Variants in CHST5 observed in about 807,000 individuals in gnomAD.
CHST5 encodes the protein GST4-alpha.
For missense variants in CHST5, 637 were observed against 602.1 expected (o/e 1.06, Z -0.61); for synonymous variants, 313 against 279.2 (o/e 1.12, Z -1.21).
chr16:75,530,210 C>G lies in CHST5; in HGVS notation c.175G>C (p.Gly59Arg). ...ACCAGCACGTGCACACGATCCTCGC[C>G]GCCGGCTGGGGATGAGGGCCCTGGC... ...SRPGPSSPAG[G>R]EDRVHVLVLS... is the part of the protein sequence containing the mutation. The change falls in exon 4 of 4, where the codon GGC becomes CGC. Residue 59 changes from glycine to arginine, a missense_variant. By Grantham distance (125) the Gly-to-Arg change is moderately radical (BLOSUM62 -2). Coordinates refer to ENST00000336257, the MANE Select transcript of CHST5 (RefSeq NM_024533.5). 1 of 1,613,696 alleles carries G rather than the reference C, an allele frequency of 6.2e-7. No homozygotes were observed. The highest frequency in any genetic ancestry group is 8.5e-7 in the Non-Finnish European group (1 of 1,179,986).
At chr16:75,533,229 G>T (rs1462471082) in intron 2 of CHST5, 46 bp from the exon 3 acceptor site, 1 of 702,396 alleles carries the variant, frequency 1.4e-6, no homozygotes. Flanking sequence ...TTGGCCAAGG[G>T]TGCAAAGTTA....
At position 75,530,130 on chromosome 16, in the gene CHST5, G is replaced by T. The variant is rs1429588172; in HGVS notation, c.255C>A (p.His85Gln). Residue 85 changes from histidine (H) to glutamine (Q), a missense_variant, in exon 4 of 4, where the codon CAC (histidine) becomes CAA (glutamine). His to Gln is a conservative substitution (Grantham distance 24). Coordinates refer to ENST00000336257, the MANE Select transcript of CHST5 (RefSeq NM_024533.5). ...SSFLGQLFSQHPDVFYLMEPA... is the reference protein window; with the variant it reads ...SSFLGQLFSQQPDVFYLMEPA... ...GCTCCATCAGGTAGAAGACGTCGGGGTGCTGGCTGAAGAGCTGGCCCAAGA... is the reference window on the plus strand; with the variant it reads ...GCTCCATCAGGTAGAAGACGTCGGGTTGCTGGCTGAAGAGCTGGCCCAAGA... 1 of 1,613,530 alleles carries T rather than the reference G, an allele frequency of 6.2e-7. No individual in the cohort carries two copies. Among genetic ancestry groups the T allele is most frequent in the Non-Finnish European group, 8.5e-7 (1 of 1,179,978 alleles).
chr16:75,531,733 C>T, intron 3 of CHST5, 93 bp from the exon 4 acceptor site: 1 of 912,318 alleles, frequency 1.1e-6, no homozygotes, highest in Non-Finnish European at 1.6e-6. Context: ...AGCTGTCCTG[C>T]CTGCCTTTTG....
At chr16:75,533,378 C>A (rs772727164) in intron 2 of CHST5, among the ~76,000 whole-genome samples, 195 bp from the exon 3 acceptor site, 1 of 152,106 alleles carries the variant, frequency 6.6e-6, no homozygotes, top group Non-Finnish European at 1.5e-5. Flanking sequence ...GACATTAATA[C>A]CCAGTAAGAA....
rs371668265 is a variant in CHST5 at position 75,530,208 on chromosome 16, G to C, written c.177C>G (p.Gly59=). 3 of 1,613,542 alleles carry C rather than the reference G, an allele frequency of 1.9e-6. No homozygotes were observed. The highest frequency in any genetic ancestry group is 1.3e-5 in the African/African-American group (1 of 74,936). The change falls in exon 4 of 4, where the codon GGC becomes GGG. Residue 59 remains glycine, a synonymous_variant. Transcript: ENST00000336257. ...SRPGPSSPAG[G]EDRVHVLVLS... Reference sequence around the variant, plus strand: ...GCACCAGCACGTGCACACGATCCTCGCCGCCGGCTGGGGATGAGGGCCCTG... The same window carrying C: ...GCACCAGCACGTGCACACGATCCTCCCCGCCGGCTGGGGATGAGGGCCCTG...
In CHST5 at chr16:75,529,651, C is replaced by A. The variant is rs755967954; in HGVS notation, c.734G>T (p.Gly245Val). 3.1e-6 allele frequency: 5 copies of A among 1,610,880 alleles called. No individual in the cohort carries two copies. In the East Asian group the frequency reaches 1.1e-4, roughly 36 times the overall value. Residue 245 changes from glycine (G) to valine (V), a missense_variant, in exon 4 of 4, where the codon GGC becomes GTC. Gly to Val is a moderately radical substitution (Grantham distance 109). Coordinates refer to ENST00000336257, the MANE Select transcript of CHST5 (RefSeq NM_024533.5). ...CTTGCCGTTGGTGCCCAGCACGATG[C>A]CGTTGTCGCGTGCCAGTATCGGGCC... ...AAGPILARDN[G>V]IVLGTNGKWV...
chr16:75,531,356 T>C lies in CHST5; in HGVS notation c.-972A>G, dbSNP rs1043506897. On this transcript the variant is annotated 5_prime_UTR_variant, in exon 4 of 4. Coordinates refer to ENST00000336257, the MANE Select transcript of CHST5 (RefSeq NM_024533.5). ...AAAAAAACAACAAAAAAAAAACTTT[T>C]GTCATTAAAGATAAACAAGTAAATA... 55 of 1,051,982 alleles carry C rather than the reference T, an allele frequency of 5.2e-5. No individual in the cohort carries two copies. Among genetic ancestry groups the C allele is most frequent in the African/African-American group, 7.0e-5 (4 of 57,270 alleles). 65.2% of individuals were successfully genotyped at this position (1,051,982 alleles called of 1,614,324 possible).
chr16:75,535,623 G>A (rs369587281), intron 1 of CHST5, among the ~76,000 whole-genome samples: 7 of 152,332 alleles, frequency 4.6e-5, no homozygotes, highest in East Asian at 1.9e-4. Flanking sequence ...GCGGTCCCAG[G>A]GTGGCCGGCG....
Position 75,530,851 on chromosome 16 carries a change from C to G in CHST5, c.-467G>C. ...ACTTAAATCTCTCTGTGACGGATCA[C>G]TTTACCCGTGTGTGAAAGAGGGATA... On this transcript the variant is annotated 5_prime_UTR_variant, in exon 4 of 4. Transcript: ENST00000336257. 1.0e-6 allele frequency: 1 copy of G among 997,820 alleles called. No individual in the cohort carries two copies. The highest frequency in any genetic ancestry group is 1.2e-6 in the Non-Finnish European group (1 of 825,460). 61.8% of individuals were successfully genotyped at this position (997,820 alleles called of 1,614,324 possible).
At chr16:75,532,327 G>A (rs919672623) in intron 3 of CHST5, among the ~76,000 whole-genome samples, 4 of 152,192 alleles carry the variant, frequency 2.6e-5, no homozygotes, top group African/African-American at 9.7e-5. Context: ...CACTGAGCCA[G>A]CCTCCCGCAT....
rs982757693 is a variant in CHST5, at chr16:75,529,068, G to A, written c.*81C>T. On this transcript the variant is annotated 3_prime_UTR_variant, in exon 4 of 4. Coordinates refer to ENST00000336257, the MANE Select transcript of CHST5 (RefSeq NM_024533.5). ...ATAGTAGGGACCTGCTTCCCCATGC[G>A]CCCCAGCTCCCTCTCCACCATGCAG... 2.8e-6 allele frequency: 4 copies of A among 1,446,064 alleles called. No homozygotes were observed. Among genetic ancestry groups the A allele is most frequent in the East Asian group, 4.8e-5 (2 of 41,882 alleles). The allele number at this position is 1,446,064 out of a possible 1,614,324, so 89.6% of individuals were successfully genotyped here. A position where few individuals can be genotyped will look rare whatever the true frequency, so the allele number is the denominator to read the frequency against.
chr16:75,530,514 A>G lies in CHST5; in HGVS notation c.-130T>C, dbSNP rs1187727316. The G allele has an allele frequency of 2.8e-6, 4 of 1,447,424 alleles. No individual in the cohort carries two copies. Among genetic ancestry groups the G allele is most frequent in the African/African-American group, 1.4e-5 (1 of 69,640 alleles). 89.7% of individuals were successfully genotyped at this position (1,447,424 alleles called of 1,614,324 possible). ...TCCCAGGAATACGGAGTCAAGACAT[A>G]GGCCAGAATATAGTCTGTGCTCACA... On this transcript the variant is annotated 5_prime_UTR_variant, in exon 4 of 4. Coordinates refer to ENST00000336257, the MANE Select transcript of CHST5 (RefSeq NM_024533.5).
chr16:75,535,875 C>A (rs896041687), intron 1 of CHST5, among the ~76,000 whole-genome samples, 169 bp downstream of exon 1: 10 of 152,214 alleles, frequency 6.6e-5, no homozygotes, highest in Admixed American at 5.2e-4. Context: ...CTCACCCCCC[C>A]AATCGCCAGA....
At chr16:75,532,443 T>C (rs558049047) in intron 3 of CHST5, among the ~76,000 whole-genome samples, 4 of 152,218 alleles carry the variant, frequency 2.6e-5, no homozygotes, top group Non-Finnish European at 5.9e-5. Flanking sequence ...TCCTTGCTCC[T>C]GCATCCTTTG....
intron 1 of CHST5, among the ~76,000 whole-genome samples, 63 bp downstream of exon 1, chr16:75,535,981 G>C (rs373074677): frequency 6.6e-6 from 1 of 152,196 alleles, no homozygotes; most frequent in African/African-American, 2.4e-5. Context: ...TTGCAGCCAA[G>C]GGACTTGGAA....
At position 75,530,972 on chromosome 16, in the gene CHST5, T is replaced by A; in HGVS notation, c.-588A>T. 1 of 1,002,416 alleles carries A rather than the reference T, an allele frequency of 1.0e-6. No homozygotes were observed. The highest frequency in any genetic ancestry group is 1.2e-6 in the Non-Finnish European group (1 of 831,500). 62.1% of individuals were successfully genotyped at this position (1,002,416 alleles called of 1,614,324 possible). A position where few individuals can be genotyped will look rare whatever the true frequency, so the allele number is the denominator to read the frequency against. On this transcript the variant is annotated 5_prime_UTR_variant, in exon 4 of 4. Coordinates refer to ENST00000336257, the MANE Select transcript of CHST5 (RefSeq NM_024533.5). ...ACGCAGTCATGCCCATAACTGAGGA[T>A]TGCACCTTTTACAAGGTGTGCTTCT...
intron 1 of CHST5, among the ~76,000 whole-genome samples, 74 bp from the exon 2 acceptor site, chr16:75,535,483 C>T (rs979811728): frequency 1.3e-5 from 2 of 152,166 alleles, no homozygotes; most frequent in Admixed American, 1.3e-4. Context: ...AGGGAAGGAC[C>T]CGGCGCAGAG....
At chr16:75,532,299 C>T (rs1372324161) in intron 3 of CHST5, among the ~76,000 whole-genome samples, 1 of 152,192 alleles carries the variant, frequency 6.6e-6, no homozygotes, top group Non-Finnish European at 1.5e-5. Flanking sequence ...TCACGCATTT[C>T]TCACAGGGTG....
chr16:75,531,341 C>CAACAAA lies in CHST5; in HGVS notation c.-958_-957insTTTGTT. ...GTTTCAAAAAAAAAAAAAAAAACAA[C>CAACAAA]AAAAAAAAAACTTTTGTCATTAAAG... On this transcript the variant is annotated 5_prime_UTR_variant, in exon 4 of 4. Coordinates refer to ENST00000336257, the MANE Select transcript of CHST5 (RefSeq NM_024533.5). The CAACAAA allele has an allele frequency of 1.2e-6, 1 of 834,286 alleles. No individual in the cohort carries two copies. Among genetic ancestry groups the CAACAAA allele is most frequent in the African/African-American group, 2.0e-5 (1 of 49,666 alleles). 51.7% of individuals were successfully genotyped at this position (834,286 alleles called of 1,614,324 possible).
Sources: allele counts gnomAD v4.1 joint callset (sites outside exome capture counted in the v4.1 genomes callset), GRCh38; gene constraint gnomAD v4.1.1; transcripts MANE v1.5; gene names NCBI Gene and HGNC (gene_info 2026-07-23, HGNC 2026-07-21).